STAU2: variants seen among roughly 807,000 people sequenced by gnomAD.
STAU2 encodes the protein double-stranded RNA-binding protein Staufen homolog 2.
In STAU2, 20 loss-of-function variants were observed where a neutral mutation model predicts 65.9. The observed-to-expected ratio is 0.30, with a 90% CI of 0.21 to 0.44. STAU2 has a LOEUF of 0.44. STAU2 is among the 20% of genes least tolerant of loss of function. The pLI, the probability that STAU2 is intolerant of heterozygous loss-of-function variation, is 1.00. For missense variants in STAU2, 558 were observed against 683.9 expected, an observed-to-expected ratio of 0.82 and a Z score of 2.05; for synonymous variants, 232 against 233.9, an observed-to-expected ratio of 0.99 and a Z score of 0.07.
At chr8:73,621,925 A>C (rs1401603308) in intron 6 of STAU2, among the ~76,000 whole-genome samples, 1 of 150,346 alleles carries the variant, frequency 6.7e-6, no homozygotes, top group Non-Finnish European at 1.5e-5. Context: ...CACAATGCTT[A>C]CTGCACAATG....
intron 6 of STAU2, among the ~76,000 whole-genome samples, chr8:73,650,978 T>C (rs1291061929): frequency 2.0e-5 from 3 of 152,144 alleles, no homozygotes; most frequent in Non-Finnish European, 4.4e-5. Flanking sequence ...ATGATATAAA[T>C]ATTGGATCCT....
chr8:73,499,186 C>T (rs1174664379), intron 13 of STAU2, among the ~76,000 whole-genome samples: 1 of 151,846 alleles, frequency 6.6e-6, no homozygotes, highest in Non-Finnish European at 1.5e-5. Flanking sequence ...CCAGCCCTCA[C>T]AATCATGTGC....
At chr8:73,725,229 T>C (rs1035324661) in intron 3 of STAU2, among the ~76,000 whole-genome samples, 1 of 152,224 alleles carries the variant, frequency 6.6e-6, no homozygotes, top group Admixed American at 6.5e-5. Flanking sequence ...TGTTCCTTTC[T>C]TCAACTTTAT....
intron 3 of STAU2, among the ~76,000 whole-genome samples, chr8:73,736,938 C>G (rs936487400): frequency 2.6e-5 from 4 of 152,216 alleles, no homozygotes; most frequent in Non-Finnish European, 5.9e-5. Context: ...GATCTCAGCT[C>G]ACTGCAACCT....
intron 3 of STAU2, among the ~76,000 whole-genome samples, chr8:73,715,386 G>T (rs1821180586): frequency 6.6e-6 from 1 of 150,400 alleles, no homozygotes; most frequent in Admixed American, 6.6e-5. Context: ...AACCTGGGAG[G>T]TGGAAGTTGC....
chr8:73,474,959 T>C (rs1046206422), intron 13 of STAU2, among the ~76,000 whole-genome samples: 1 of 152,176 alleles, frequency 6.6e-6, no homozygotes, highest in Non-Finnish European at 1.5e-5. Context: ...CCTGTGACTA[T>C]AAACAGATAC....
intron 2 of STAU2, among the ~76,000 whole-genome samples, 183 bp from the exon 3 acceptor site, chr8:73,738,532 A>T (rs1280976229): frequency 6.6e-6 from 1 of 152,214 alleles, no homozygotes. Context: ...GTCATTAGCC[A>T]CATGTGGCTA....
At chr8:73,729,250 A>G (rs964542977) in intron 3 of STAU2, among the ~76,000 whole-genome samples, 84 of 152,324 alleles carry the variant, frequency 5.5e-4, no homozygotes, top group African/African-American at 2.0e-3. Flanking sequence ...AATCCTGGGA[A>G]TAAGTCCCAC....
At chr8:73,664,124 T>C (rs1469846986) in intron 6 of STAU2, among the ~76,000 whole-genome samples, 2 of 152,114 alleles carry the variant, frequency 1.3e-5, no homozygotes, top group African/African-American at 4.8e-5. Context: ...CGATCACAGC[T>C]CACTGAAGCC....
chr8:73,461,674 G>A (rs776582862), intron 13 of STAU2, among the ~76,000 whole-genome samples: 12 of 152,036 alleles, frequency 7.9e-5, no homozygotes, highest in Non-Finnish European at 1.8e-4. Flanking sequence ...GCAGCAAGTA[G>A]GAGGAGGATG....
At chr8:73,438,524 C>T (rs764825641) in intron 13 of STAU2, among the ~76,000 whole-genome samples, 2 of 152,202 alleles carry the variant, frequency 1.3e-5, no homozygotes, top group Non-Finnish European at 2.9e-5. Context: ...TCCAGGACAC[C>T]GTGAGTGTCC....
At chr8:73,567,019 A>T (rs1808657889) in intron 12 of STAU2, among the ~76,000 whole-genome samples, 1 of 152,246 alleles carries the variant, frequency 6.6e-6, no homozygotes, top group Non-Finnish European at 1.5e-5. Flanking sequence ...TATTATATTG[A>T]ATCCAACAAT....
At chr8:73,576,616 G>A (rs1372711921) in intron 12 of STAU2, among the ~76,000 whole-genome samples, 2 of 152,038 alleles carry the variant, frequency 1.3e-5, no homozygotes, top group Non-Finnish European at 2.9e-5. Flanking sequence ...ATTGGGCGGT[G>A]GGTTCATGGG....
chr8:73,700,997 T>C (rs546418158), intron 4 of STAU2, among the ~76,000 whole-genome samples: 5 of 151,972 alleles, frequency 3.3e-5, no homozygotes, highest in African/African-American at 4.8e-5. Context: ...TTTTTGACAA[T>C]AGTGTCAAGA....
intron 10 of STAU2, among the ~76,000 whole-genome samples, chr8:73,598,104 A>T (rs1224896421): frequency 6.6e-6 from 1 of 152,268 alleles, no homozygotes; most frequent in Non-Finnish European, 1.5e-5. Flanking sequence ...AAAAAGAAAA[A>T]GATTCATGAC....
At chr8:73,709,277 TATTTTA>T in intron 3 of STAU2, 115 bp from the exon 4 acceptor site, 1 of 982,948 alleles carries the variant, frequency 1.0e-6, no homozygotes, top group Non-Finnish European at 1.4e-6. Context: ...ATGAATTTTG[TATTTTA>T]AAAATTCAAA....
intron 6 of STAU2, among the ~76,000 whole-genome samples, chr8:73,659,491 C>T (rs1174356558): frequency 2.0e-5 from 3 of 152,104 alleles, no homozygotes; most frequent in Non-Finnish European, 4.4e-5. Context: ...GAGCTGAGAT[C>T]GCGCCATTGC....
chr8:73,558,967 T>G lies in STAU2; in HGVS notation c.1223-6648A>C, dbSNP rs371919168. Among the ~76,000 whole-genome samples the G allele has an allele frequency of 6.4e-4, 97 of 152,334 alleles. No individual in the cohort carries two copies. The South Asian group carries it at 0.019, about 30-fold the overall frequency. The stretch of plus-strand genomic sequence containing the variant: ...AATAAAAAATTATAATTAAAAATTC[T>G]TAAGAACTAGAAACAGGGGCTTCTG... On this transcript the variant is annotated intron_variant, in intron 12 of 14. Transcript: ENST00000524300.
intron 13 of STAU2, among the ~76,000 whole-genome samples, chr8:73,504,827 C>A (rs1467725730): frequency 1.3e-5 from 2 of 152,012 alleles, no homozygotes; most frequent in Admixed American, 6.6e-5. Flanking sequence ...TTCTTTCAAG[C>A]AGTTAGTATT....
Sources: allele counts gnomAD v4.1 joint callset (sites outside exome capture counted in the v4.1 genomes callset), GRCh38; gene constraint gnomAD v4.1.1; transcripts MANE v1.5; gene names NCBI Gene and HGNC (gene_info 2026-07-23, HGNC 2026-07-21).